ARSG: variants seen among roughly 807,000 people sequenced by gnomAD.
The protein encoded by ARSG is arylsulfatase G.
A neutral mutation model predicts 50.5 loss-of-function variants in ARSG; 37 were observed. The ratio of observed to expected loss-of-function variants is 0.73; its 90% CI spans 0.56 to 0.96. The LOEUF (loss-of-function observed/expected upper bound fraction) is 0.96. Among genes scored for constraint, ARSG ranks in the 50% least tolerant of loss-of-function variants. The pLI is 0.00. For synonymous variants in ARSG, 225 were observed against 254.6 expected (o/e 0.88, Z 1.11); for missense variants, 629 against 675.3 (o/e 0.93, Z 0.76).
At chr17:68,366,290 T>A (rs907356928) in intron 6 of ARSG, among the ~76,000 whole-genome samples, 1 of 152,172 alleles carries the variant, frequency 6.6e-6, no homozygotes, top group African/African-American at 2.4e-5. Flanking sequence ...TATAATTGAA[T>A]TTTTAGCAAT....
At chr17:68,408,072 A>C (rs1046919005) in intron 11 of ARSG, among the ~76,000 whole-genome samples, 2 of 151,896 alleles carry the variant, frequency 1.3e-5, no homozygotes, top group African/African-American at 4.8e-5. Context: ...TCCTTATGCA[A>C]AACAAATGTG....
In ARSG at chr17:68,268,870, G is replaced by A. The variant is rs560602278; in HGVS notation, c.-552+9444G>A. 164 of 743,522 alleles carry A rather than the reference G, an allele frequency of 2.2e-4. No homozygotes were observed. The African/African-American group carries it at 2.5e-3, about 12-fold the overall frequency. 46.1% of individuals were successfully genotyped at this position (743,522 alleles called of 1,614,324 possible). On this transcript the variant is annotated intron_variant, in intron 1 of 11. Transcript: ENST00000448504. The stretch of plus-strand genomic sequence containing the variant: ...CAGATTTATATATGGAAGAGTGCTT[G>A]GTTGTTTTTTGTTTTGGCTTTAAAA...
At chr17:68,450,972 GC>G in the ARSG span, 2 of 1,528,854 alleles carry the variant, frequency 1.3e-6, no homozygotes, top group Non-Finnish European at 1.8e-6. Flanking sequence ...ATGACACTGG[GC>G]CCGGCGCAGG....
At chr17:68,430,255 C>T in the ARSG span, 24 of 1,277,146 alleles carry the variant, frequency 1.9e-5, no homozygotes, top group South Asian at 7.1e-5. Flanking sequence ...CCACACTCCC[C>T]GCAGCAGGGA....
chr17:68,433,777 T>TTTTGTTTG, the ARSG span, among the ~76,000 whole-genome samples: 4 of 63,616 alleles, frequency 6.3e-5, no homozygotes, highest in African/African-American at 2.0e-4. Flanking sequence ...TTTTTTTTTT[T>TTTTGTTTG]TTTTTTTTTT....
Position 68,395,063 on chromosome 17 carries a change from A to G in ARSG, c.1092-10A>G. Reference sequence around the variant, plus strand: ...GAGCTGGGGACAACTCAGTCTTGTTATTTCCGCAGCGTGCTGGACATTTTT... The same window carrying G: ...GAGCTGGGGACAACTCAGTCTTGTTGTTTCCGCAGCGTGCTGGACATTTTT... On this transcript the variant is annotated splice_polypyrimidine_tract_variant and intron_variant, in intron 9 of 11. Coordinates refer to ENST00000621439, the MANE Select transcript of ARSG (RefSeq NM_001267727.2). 1 of 1,613,674 alleles carries G rather than the reference A, an allele frequency of 6.2e-7. No homozygotes were observed. Among genetic ancestry groups the G allele is most frequent in the Non-Finnish European group, 8.5e-7 (1 of 1,179,758 alleles).
intron 2 of ARSG, among the ~76,000 whole-genome samples, chr17:68,309,334 T>C (rs976653501): frequency 6.6e-6 from 1 of 152,228 alleles, no homozygotes; most frequent in Admixed American, 6.5e-5. Context: ...GCTCTCGCCT[T>C]GGCCAGCCTA....
chr17:68,379,698 T>G (rs1213410500), intron 8 of ARSG: 7 of 453,388 alleles, frequency 1.5e-5, no homozygotes. Context: ...CACATGTTTG[T>G]TTTTGTCAGT....
the ARSG span, chr17:68,448,390 T>C: frequency 6.6e-6 from 1 of 152,258 alleles, no homozygotes; most frequent in African/African-American, 2.4e-5. Context: ...ATGCTCATCT[T>C]GGTTCCGACG....
At chr17:68,348,363 C>T (rs1455087888) in intron 4 of ARSG, among the ~76,000 whole-genome samples, 4 of 152,144 alleles carry the variant, frequency 2.6e-5, no homozygotes, top group East Asian at 3.8e-4. Flanking sequence ...GAGACCAGCT[C>T]CTATGCAGCA....
chr17:68,316,021 T>C (rs1389034851), intron 2 of ARSG, among the ~76,000 whole-genome samples: 1 of 152,176 alleles, frequency 6.6e-6, no homozygotes, highest in African/African-American at 2.4e-5. Flanking sequence ...ATGGCTGCAG[T>C]TTCAGGTGCC....
chr17:68,266,334 CATAAA>C (rs145775137), intron 1 of ARSG, among the ~76,000 whole-genome samples: 3,321 of 147,952 alleles, frequency 0.022, 138 homozygotes, highest in African/African-American at 0.078. Flanking sequence ...TGAAACTCAA[CATAAA>C]ATAAAATCGT....
chr17:68,416,316 G>A (rs994871464), intron 11 of ARSG, among the ~76,000 whole-genome samples: 1 of 152,132 alleles, frequency 6.6e-6, no homozygotes, highest in Non-Finnish European at 1.5e-5. Flanking sequence ...GCTGATAATT[G>A]TTTTGATGGA....
At chr17:68,395,314 A>G in intron 10 of ARSG, 121 bp downstream of exon 10, 1 of 1,439,928 alleles carries the variant, frequency 6.9e-7, no homozygotes, top group Non-Finnish European at 9.4e-7. Flanking sequence ...CAGGTCGGAT[A>G]CAGTGGCTCA....
In ARSG at chr17:68,331,865, C is replaced by T. The variant is rs773508217; in HGVS notation, c.219-11739C>T. 4.6e-5 allele frequency among the ~76,000 whole-genome samples: 7 copies of T among 151,970 alleles called. No homozygotes were observed. In the East Asian group the frequency reaches 7.7e-4, roughly 17 times the overall value. ...CCAGCAAGCTTGGGGAGGGAGTGTA[C>T]GAATAGGGTGTGGGTCACAGAGATC... On this transcript the variant is annotated intron_variant, in intron 2 of 11. Transcript: ENST00000621439.
intron 2 of ARSG, among the ~76,000 whole-genome samples, chr17:68,327,492 C>G (rs1025994730): frequency 6.6e-6 from 1 of 152,154 alleles, no homozygotes; most frequent in Non-Finnish European, 1.5e-5. Flanking sequence ...TCATTTTCAT[C>G]TCTGCCTCTT....
At chr17:68,297,565 T>G (rs150174682) in intron 1 of ARSG, among the ~76,000 whole-genome samples, 148 of 152,352 alleles carry the variant, frequency 9.7e-4, no homozygotes, top group African/African-American at 3.4e-3. Flanking sequence ...AGCCAGTAGC[T>G]GCAGGGAGTC....
the ARSG span, among the ~76,000 whole-genome samples, chr17:68,449,818 G>A: frequency 6.6e-6 from 1 of 152,156 alleles, no homozygotes; most frequent in Non-Finnish European, 1.5e-5. Flanking sequence ...AGTAATGTGA[G>A]AATAGACGAA....
chr17:68,444,700 C>G, the ARSG span: 1 of 829,252 alleles, frequency 1.2e-6, no homozygotes, highest in Non-Finnish European at 1.8e-6. Flanking sequence ...AAGCCTAAAG[C>G]AGAATTTTGA....
Sources: allele counts gnomAD v4.1 joint callset (sites outside exome capture counted in the v4.1 genomes callset), GRCh38; gene constraint gnomAD v4.1.1; transcripts MANE v1.5; gene names NCBI Gene and HGNC (gene_info 2026-07-23, HGNC 2026-07-21).